DOK6: variants seen among roughly 807,000 people sequenced by gnomAD.
The protein encoded by DOK6 is downstream of tyrosine kinase 6.
Under a neutral mutation model 44.0 loss-of-function variants are expected in DOK6, and 22 were observed. The ratio of observed to expected loss-of-function variants is 0.50; its 90% CI spans 0.36 to 0.71. The LOEUF is 0.71. Ranked by LOEUF, DOK6 falls within the 30% of genes least tolerant of loss-of-function variation. The probability of loss-of-function intolerance (pLI) is 0.00; values close to 1 mark genes in which losing one functional copy is unlikely to be tolerated. For synonymous variants in DOK6, 166 were observed against 145.5 expected (o/e 1.14, Z -1.01); for missense variants, 340 against 416.4 (o/e 0.82, Z 1.60).
intron 7 of DOK6, among the ~76,000 whole-genome samples, chr18:69,787,312 A>C (rs1182053883): frequency 2.0e-5 from 3 of 152,170 alleles, no homozygotes; most frequent in African/African-American, 7.2e-5. Context: ...TTTTTTGGTC[A>C]TAATTATGTG....
intron 1 of DOK6, among the ~76,000 whole-genome samples, chr18:69,540,755 T>G (rs1447571685): frequency 1.3e-5 from 2 of 151,532 alleles, no homozygotes; most frequent in Admixed American, 1.3e-4. Flanking sequence ...ATTAATTACC[T>G]TATGCTTTGT....
chr18:69,642,581 CCTT>C (rs1984970260), intron 3 of DOK6, among the ~76,000 whole-genome samples: 1 of 152,082 alleles, frequency 6.6e-6, no homozygotes, highest in South Asian at 2.1e-4. Flanking sequence ...TATCTACCTG[CCTT>C]TTTTTCATTT....
At chr18:69,824,826 G>A (rs554477843) in intron 7 of DOK6, among the ~76,000 whole-genome samples, 1 of 152,186 alleles carries the variant, frequency 6.6e-6, no homozygotes, top group Non-Finnish European at 1.5e-5. Flanking sequence ...TTGCGGCTCC[G>A]CAGGACTGAA....
At chr18:69,795,337 C>A (rs1414212201) in intron 7 of DOK6, among the ~76,000 whole-genome samples, 1 of 152,098 alleles carries the variant, frequency 6.6e-6, no homozygotes, top group East Asian at 1.9e-4. Context: ...TTAGCCCTTC[C>A]ATTTTTTTCA....
At chr18:69,811,645 A>AC (rs1568133210) in intron 7 of DOK6, among the ~76,000 whole-genome samples, 1 of 148,672 alleles carries the variant, frequency 6.7e-6, no homozygotes, top group Non-Finnish European at 1.5e-5. Context: ...TAACTTTTAA[A>AC]AAGATATGTA....
At chr18:69,683,569 G>A (rs1448961937) in intron 4 of DOK6, among the ~76,000 whole-genome samples, 1 of 152,186 alleles carries the variant, frequency 6.6e-6, no homozygotes, top group African/African-American at 2.4e-5. Flanking sequence ...TGTGGCTGGA[G>A]TGATGACACG....
chr18:69,430,141 G>A (rs187191501), intron 1 of DOK6, among the ~76,000 whole-genome samples: 1 of 152,208 alleles, frequency 6.6e-6, no homozygotes, highest in African/African-American at 2.4e-5. Context: ...GTGTTGGAAG[G>A]TCTAGGATTT....
At chr18:69,518,841 A>G (rs1043930177) in intron 1 of DOK6, among the ~76,000 whole-genome samples, 2 of 152,120 alleles carry the variant, frequency 1.3e-5, no homozygotes, top group Non-Finnish European at 2.9e-5. Flanking sequence ...TAAATTATGT[A>G]TTGACGTTTC....
intron 3 of DOK6, among the ~76,000 whole-genome samples, chr18:69,651,078 ACT>A (rs1377467903): frequency 6.6e-6 from 1 of 151,884 alleles, no homozygotes; most frequent in African/African-American, 2.4e-5. Context: ...AAGCAAAAGG[ACT>A]CTCTCTCCCA....
At chr18:69,430,473 C>T (rs1368543965) in intron 1 of DOK6, among the ~76,000 whole-genome samples, 4 of 151,942 alleles carry the variant, frequency 2.6e-5, no homozygotes, top group African/African-American at 9.7e-5. Flanking sequence ...AATCACAAAA[C>T]GTAGAAAACG....
At chr18:69,716,360 A>G (rs1198494992) in intron 5 of DOK6, among the ~76,000 whole-genome samples, 1 of 152,244 alleles carries the variant, frequency 6.6e-6, no homozygotes, top group African/African-American at 2.4e-5. Context: ...ACTATGAGGC[A>G]ATTTAATATG....
At chr18:69,714,431 T>C (rs1986836653) in intron 5 of DOK6, among the ~76,000 whole-genome samples, 1 of 152,160 alleles carries the variant, frequency 6.6e-6, no homozygotes, top group Non-Finnish European at 1.5e-5. Context: ...GGTGTTTCTA[T>C]ACTTAGATTG....
chr18:69,732,804 C>A (rs778626218), intron 5 of DOK6, among the ~76,000 whole-genome samples: 2 of 152,158 alleles, frequency 1.3e-5, no homozygotes, highest in Non-Finnish European at 2.9e-5. Context: ...TGGCATTTCA[C>A]AAAGCTAGTT....
At chr18:69,839,088 C>G (rs1982134616) in intron 7 of DOK6, among the ~76,000 whole-genome samples, 1 of 149,842 alleles carries the variant, frequency 6.7e-6, no homozygotes. Context: ...AACTCCTCCT[C>G]TAGCTCCTCC....
chr18:69,446,127 T>C (rs1301249961), intron 1 of DOK6, among the ~76,000 whole-genome samples: 16 of 152,090 alleles, frequency 1.1e-4, no homozygotes, highest in Admixed American at 1.0e-3. Flanking sequence ...TACATATGTA[T>C]ACTTGTGCCA....
At chr18:69,733,257 GATTT>G (rs1224879574) in intron 5 of DOK6, among the ~76,000 whole-genome samples, 4 of 151,918 alleles carry the variant, frequency 2.6e-5, no homozygotes, top group African/African-American at 9.7e-5. Flanking sequence ...TTTATGTAAA[GATTT>G]ATTAGTGAAA....
At chr18:69,599,526 T>A in intron 3 of DOK6, 28 bp downstream of exon 3, 1 of 1,579,596 alleles carries the variant, frequency 6.3e-7, no homozygotes, top group South Asian at 1.1e-5. Flanking sequence ...ATCTACCCCT[T>A]GAGGAAATTG....
intron 4 of DOK6, among the ~76,000 whole-genome samples, chr18:69,689,487 C>G (rs985918540): frequency 6.6e-6 from 1 of 151,984 alleles, no homozygotes; most frequent in East Asian, 1.9e-4. Flanking sequence ...GGAAAACAAA[C>G]AGTAGATGTA....
chr18:69,592,737 C>T (rs373524907), intron 2 of DOK6, among the ~76,000 whole-genome samples: 3 of 151,948 alleles, frequency 2.0e-5, no homozygotes, highest in African/African-American at 7.3e-5. Flanking sequence ...GTACTTTATG[C>T]TTTTACAACC....
Sources: gnomAD v4.1 joint callset for allele counts (sites outside exome capture counted in the v4.1 genomes callset) on GRCh38, gnomAD v4.1.1 for gene constraint, MANE v1.5 for transcripts, NCBI Gene and HGNC (gene_info 2026-07-23, HGNC 2026-07-21) for gene names.